The following GAS2 variants were observed in gnomAD, a reference collection of about 807,000 sequenced individuals.
GAS2 encodes the protein growth arrest-specific protein 2.
Under a neutral mutation model 37.5 loss-of-function variants are expected in GAS2, and 20 were observed. That is an observed-to-expected ratio of 0.53 (90% confidence interval 0.37 to 0.77). GAS2 has a LOEUF of 0.77. Among genes scored for constraint, GAS2 ranks in the 30% least tolerant of loss-of-function variants. GAS2 has a pLI of 0.00. For missense variants in GAS2, 336 were observed against 373.4 expected, an observed-to-expected ratio of 0.90 and a Z score of 0.82; for synonymous variants, 144 against 132.2, an observed-to-expected ratio of 1.09 and a Z score of -0.61.
chr11:22,627,260 A>G (rs7112345), intron 1 of GAS2, among the ~76,000 whole-genome samples: 36,761 of 152,226 alleles, frequency 0.24, 5,785 homozygotes, highest in African/African-American at 0.44. Context: ...TCACTAATTC[A>G]TTTATTTATT....
intron 7 of GAS2, among the ~76,000 whole-genome samples, chr11:22,764,156 TGA>T (rs1389121043): frequency 6.6e-6 from 1 of 152,204 alleles, no homozygotes; most frequent in African/African-American, 2.4e-5. Context: ...TGTTTTTTTC[TGA>T]GAGTTATCCT....
At chr11:22,728,127 C>T (rs2134174896) in intron 4 of GAS2, among the ~76,000 whole-genome samples, 1 of 152,116 alleles carries the variant, frequency 6.6e-6, no homozygotes, top group East Asian at 1.9e-4. Context: ...AGCATTTTCT[C>T]AGTGATTACT....
At chr11:22,656,666 A>G (rs1027536) in intron 1 of GAS2, among the ~76,000 whole-genome samples, 33,848 of 152,134 alleles carry the variant, frequency 0.22, 4,672 homozygotes, top group African/African-American at 0.38. Context: ...TTAATAAACT[A>G]TAAGATGTAT....
intron 1 of GAS2, among the ~76,000 whole-genome samples, chr11:22,646,593 T>C (rs1394256642): frequency 1.3e-5 from 2 of 152,236 alleles, no homozygotes; most frequent in Non-Finnish European, 2.9e-5. Flanking sequence ...AAAGGAAATA[T>C]GCAACTGAAA....
At chr11:22,687,754 A>T (rs764116887) in intron 3 of GAS2, among the ~76,000 whole-genome samples, 5 of 152,194 alleles carry the variant, frequency 3.3e-5, no homozygotes, top group Non-Finnish European at 5.9e-5. Flanking sequence ...ATGAAAAAAT[A>T]TAATGCCGAT....
chr11:22,732,953 C>T (rs1196037296), intron 4 of GAS2, among the ~76,000 whole-genome samples: 4 of 151,620 alleles, frequency 2.6e-5, no homozygotes, highest in African/African-American at 9.7e-5. Context: ...ACTTATCAAA[C>T]TTTAGTGTAT....
At chr11:22,717,353 G>C (rs529033905) in intron 3 of GAS2, among the ~76,000 whole-genome samples, 32 of 152,176 alleles carry the variant, frequency 2.1e-4, no homozygotes, top group African/African-American at 7.7e-4. Context: ...AATACTTACA[G>C]CCAGCTGATC....
intron 1 of GAS2, among the ~76,000 whole-genome samples, chr11:22,644,971 T>C (rs1848672644): frequency 6.6e-6 from 1 of 152,284 alleles, no homozygotes; most frequent in South Asian, 2.1e-4. Context: ...ACCTTCCCTC[T>C]TGTTGACATA....
intron 2 of GAS2, among the ~76,000 whole-genome samples, chr11:22,683,165 G>GAA (rs11433218): frequency 1.1e-4 from 16 of 150,858 alleles, no homozygotes; most frequent in South Asian, 8.3e-4. Flanking sequence ...CCCAAAAATG[G>GAA]AAAAAAAAAG....
rs79183750 is a variant in GAS2 at position 22,760,862 on chromosome 11, G to T, written c.723+4909G>T. Among the ~76,000 whole-genome samples, 18 of 152,228 alleles carry T rather than the reference G, an allele frequency of 1.2e-4. No individual in the cohort carries two copies. In the East Asian group the frequency reaches 3.5e-3, roughly 29 times the overall value. ...CAAACAGATACAGTTAAAAATTTGA[G>T]AATAAATTAAAAGCCCTCTGAAAGT... On this transcript the variant is annotated intron_variant, in intron 7 of 7. Transcript: ENST00000454584.
rs187362316 is a variant in GAS2, at chr11:22,691,266, C to T, written c.267+5477C>T. ...ATAGAATGCCTACAATACATTTGCC[C>T]ATCAGGAGTACTTGGTTCCTTGAGC... On this transcript the variant is annotated intron_variant, in intron 3 of 7. Transcript: ENST00000454584. Among the ~76,000 whole-genome samples, 392 of 152,258 alleles carry T rather than the reference C, an allele frequency of 2.6e-3. 2 individuals carry two copies. Among genetic ancestry groups the T allele is most frequent in the African/African-American group, 8.9e-3 (368 of 41,566 alleles).
intron 7 of GAS2, among the ~76,000 whole-genome samples, chr11:22,809,229 C>A (rs1857028904): frequency 6.6e-6 from 1 of 152,124 alleles, no homozygotes; most frequent in Non-Finnish European, 1.5e-5. Flanking sequence ...TTGGGTGCTG[C>A]AACCAAGAAG....
intron 3 of GAS2, among the ~76,000 whole-genome samples, chr11:22,714,095 A>T (rs996346449): frequency 1.3e-5 from 2 of 152,182 alleles, no homozygotes; most frequent in Admixed American, 6.5e-5. Context: ...ATGGATCAAA[A>T]TCCCAAAACC....
chr11:22,788,365 G>C (rs973261760), intron 7 of GAS2, among the ~76,000 whole-genome samples: 2 of 152,052 alleles, frequency 1.3e-5, no homozygotes, highest in Non-Finnish European at 2.9e-5. Flanking sequence ...TCAAACTCAG[G>C]CTCTTGATAT....
intron 1 of GAS2, among the ~76,000 whole-genome samples, chr11:22,641,257 T>G (rs1228030886): frequency 6.9e-6 from 1 of 144,526 alleles, no homozygotes; most frequent in African/African-American, 2.5e-5. Context: ...TATATATATC[T>G]TTATATATAT....
chr11:22,778,710 T>C lies in GAS2; in HGVS notation c.723+22757T>C, dbSNP rs546748890. 2.0e-5 allele frequency among the ~76,000 whole-genome samples: 3 copies of C among 152,340 alleles called. No individual in the cohort carries two copies. In the South Asian group the frequency reaches 6.2e-4, roughly 32 times the overall value. On this transcript the variant is annotated intron_variant, in intron 7 of 7. Transcript: ENST00000454584. ...ATTGTCAGTCTGTAGGTAGAAATCA[T>C]AGCAGATTTAAAAGGGTCACATGCC... is the stretch of plus-strand genomic sequence containing the variant.
intron 3 of GAS2, among the ~76,000 whole-genome samples, chr11:22,708,052 TATTC>T (rs1200978965): frequency 1.3e-5 from 2 of 151,484 alleles, no homozygotes; most frequent in African/African-American, 4.9e-5. Flanking sequence ...ATTGAAGAGA[TATTC>T]ATTGGAAAAC....
chr11:22,648,457 G>A (rs2133827353), intron 1 of GAS2, among the ~76,000 whole-genome samples: 1 of 152,280 alleles, frequency 6.6e-6, no homozygotes, highest in Admixed American at 6.5e-5. Flanking sequence ...CCAATTCTGT[G>A]AAGAAAGTCA....
intron 7 of GAS2, among the ~76,000 whole-genome samples, chr11:22,787,574 G>GA (rs1034197392): frequency 1.0e-4 from 15 of 148,608 alleles, no homozygotes; most frequent in African/African-American, 2.5e-4. Context: ...GATTTATTCC[G>GA]AAAAAAAAAG....
Sources: gnomAD v4.1 joint callset for allele counts (sites outside exome capture counted in the v4.1 genomes callset) on GRCh38, gnomAD v4.1.1 for gene constraint, MANE v1.5 for transcripts, NCBI Gene and HGNC (gene_info 2026-07-23, HGNC 2026-07-21) for gene names.